ARL15: variants seen among roughly 807,000 people sequenced by gnomAD.
ARL15 encodes ADP-ribosylation factor-like protein 15.
Under a neutral mutation model 25.2 loss-of-function variants are expected in ARL15, and 19 were observed. The observed-to-expected ratio is 0.75, with a 90% CI of 0.53 to 1.10. ARL15 has a LOEUF of 1.10. ARL15 is among the 50% of genes least tolerant of loss of function. The pLI, the probability that ARL15 is intolerant of heterozygous loss-of-function variation, is 0.00. For missense variants in ARL15, 220 were observed against 246.0 expected (o/e 0.89, Z 0.71); for synonymous variants, 94 against 86.8 (o/e 1.08, Z -0.46).
chr5:54,144,954 C>A (rs1753864555), intron 3 of ARL15, among the ~76,000 whole-genome samples: 1 of 152,158 alleles, frequency 6.6e-6, no homozygotes, highest in Admixed American at 6.6e-5. Flanking sequence ...ATTAATAATC[C>A]TGACGAATTC....
chr5:54,032,167 C>A (rs981772612), intron 4 of ARL15, among the ~76,000 whole-genome samples: 3 of 152,074 alleles, frequency 2.0e-5, no homozygotes, highest in African/African-American at 7.2e-5. Context: ...TTAGAAGACT[C>A]TTCTGGCTTT....
intron 4 of ARL15, among the ~76,000 whole-genome samples, chr5:53,969,854 C>T (rs1747679989): frequency 6.6e-6 from 1 of 151,974 alleles, no homozygotes; most frequent in African/African-American, 2.4e-5. Flanking sequence ...AAAAAAATCC[C>T]ATGTTTGAGA....
At chr5:54,150,242 G>A (rs897467699) in intron 3 of ARL15, among the ~76,000 whole-genome samples, 24 of 152,170 alleles carry the variant, frequency 1.6e-4, no homozygotes, top group East Asian at 1.2e-3. Flanking sequence ...GAATAAAACA[G>A]TGAAATGTTT....
chr5:54,138,387 C>A (rs1245790821), intron 3 of ARL15, among the ~76,000 whole-genome samples: 7 of 152,138 alleles, frequency 4.6e-5, no homozygotes, highest in Non-Finnish European at 7.4e-5. Context: ...AACCAACTGA[C>A]CTTTGGCAAA....
At chr5:53,966,324 G>A (rs780675947) in intron 4 of ARL15, among the ~76,000 whole-genome samples, 1 of 152,180 alleles carries the variant, frequency 6.6e-6, no homozygotes, top group Non-Finnish European at 1.5e-5. Context: ...GGAGGACACT[G>A]AGACTCCACG....
rs184891556 is a variant in ARL15, at chr5:53,984,293, T to C, written c.463-97580A>G. On this transcript the variant is annotated intron_variant, in intron 4 of 4. Coordinates refer to ENST00000504924, the MANE Select transcript of ARL15 (RefSeq NM_019087.3). ...TCCACATCTGGAGTTGAGCTGCTCA[T>C]AGCTGAACACACTATTCTTGGTGTG... Among the ~76,000 whole-genome samples the C allele has an allele frequency of 1.5e-3, 233 of 152,290 alleles. 2 individuals carry two copies. Among genetic ancestry groups the C allele is most frequent in the South Asian group, 3.1e-3 (15 of 4,816 alleles).
At chr5:53,950,285 A>C (rs74662067) in intron 4 of ARL15, among the ~76,000 whole-genome samples, 21 of 150,586 alleles carry the variant, frequency 1.4e-4, no homozygotes, top group Admixed American at 1.1e-3. Context: ...AAAAAAAAAA[A>C]CGACTATGCT....
Position 54,052,256 on chromosome 5 carries a change from G to A in ARL15, c.462+60946C>T, listed in dbSNP as rs142978321. Among the ~76,000 whole-genome samples, 305 of 152,034 alleles carry A rather than the reference G, an allele frequency of 2.0e-3. 1 individual carries two copies. The highest frequency in any genetic ancestry group is 7.1e-3 in the African/African-American group (293 of 41,478). ...AACCCAAAGAACTTTATAGCACAACGAATAAATCTCAATGTATGCAAATTA... is the reference window on the plus strand; with the variant it reads ...AACCCAAAGAACTTTATAGCACAACAAATAAATCTCAATGTATGCAAATTA... On this transcript the variant is annotated intron_variant, in intron 4 of 4. Transcript: ENST00000504924.
chr5:54,019,743 T>C (rs1169681798), intron 4 of ARL15, among the ~76,000 whole-genome samples: 1 of 152,202 alleles, frequency 6.6e-6, no homozygotes, highest in Non-Finnish European at 1.5e-5. Context: ...TACACTTGAT[T>C]CTGTAAAAAA....
intron 1 of ARL15, among the ~76,000 whole-genome samples, chr5:54,189,749 TG>T (rs947477603): frequency 2.0e-5 from 3 of 152,192 alleles, no homozygotes; most frequent in African/African-American, 7.2e-5. Flanking sequence ...TTCATGACAT[TG>T]AATTTGGCAA....
intron 1 of ARL15, among the ~76,000 whole-genome samples, chr5:54,292,058 A>C (rs1011726249): frequency 1.3e-4 from 20 of 152,202 alleles, no homozygotes; most frequent in Non-Finnish European, 1.6e-4. Context: ...TGTAAGTCCC[A>C]GGGATCCCTG....
chr5:53,926,420 C>T (rs1363599247), intron 4 of ARL15, among the ~76,000 whole-genome samples: 1 of 152,052 alleles, frequency 6.6e-6, no homozygotes, highest in Non-Finnish European at 1.5e-5. Context: ...AAAAAAGTCC[C>T]CCCACCCCAG....
At chr5:53,968,742 C>G (rs966323609) in intron 4 of ARL15, among the ~76,000 whole-genome samples, 1 of 151,822 alleles carries the variant, frequency 6.6e-6, no homozygotes, top group Non-Finnish European at 1.5e-5. Flanking sequence ...AACTATTGAC[C>G]TTGTGATCCA....
intron 4 of ARL15, among the ~76,000 whole-genome samples, chr5:54,070,162 G>A (rs1047213912): frequency 4.0e-5 from 6 of 151,572 alleles, no homozygotes; most frequent in South Asian, 2.1e-4. Flanking sequence ...AGGCCGAGGC[G>A]GGTGGATCAC....
intron 1 of ARL15, among the ~76,000 whole-genome samples, chr5:54,295,863 T>C (rs1164793451): frequency 1.3e-5 from 2 of 152,208 alleles, no homozygotes; most frequent in Admixed American, 1.3e-4. Flanking sequence ...ATAAAAGAGC[T>C]GGCCAATAAA....
At chr5:54,186,475 A>C (rs995021228) in intron 1 of ARL15, among the ~76,000 whole-genome samples, 2 of 152,240 alleles carry the variant, frequency 1.3e-5, no homozygotes, top group Non-Finnish European at 2.9e-5. Context: ...GCTTTATTAA[A>C]GAGGCACTTT....
At chr5:53,988,749 G>C (rs1748383905) in intron 4 of ARL15, among the ~76,000 whole-genome samples, 1 of 152,162 alleles carries the variant, frequency 6.6e-6, no homozygotes, top group Non-Finnish European at 1.5e-5. Flanking sequence ...GGATATAAAG[G>C]ATGAGAGAAA....
At chr5:54,302,077 C>T (rs565456040) in intron 1 of ARL15, among the ~76,000 whole-genome samples, 1 of 152,298 alleles carries the variant, frequency 6.6e-6, no homozygotes, top group South Asian at 2.1e-4. Context: ...CAGACTCCCG[C>T]CTCAAACACA....
chr5:54,053,225 A>AAAC (rs202208071), intron 4 of ARL15, among the ~76,000 whole-genome samples: 6 of 149,728 alleles, frequency 4.0e-5, no homozygotes, highest in Admixed American at 2.6e-4. Context: ...GCATCTCCAA[A>AAAC]AACAACAACA....
Sources: gnomAD v4.1 joint callset for allele counts (sites outside exome capture counted in the v4.1 genomes callset) on GRCh38, gnomAD v4.1.1 for gene constraint, MANE v1.5 for transcripts, NCBI Gene and HGNC (gene_info 2026-07-23, HGNC 2026-07-21) for gene names.